TVP23A: variants seen among roughly 807,000 people sequenced by gnomAD.
TVP23A encodes Golgi apparatus membrane protein TVP23 homolog A.
Under a neutral mutation model 31.7 loss-of-function variants are expected in TVP23A, and 21 were observed. The observed-to-expected ratio is 0.66, with a 90% CI of 0.47 to 0.95. The LOEUF (loss-of-function observed/expected upper bound fraction) is 0.95. Among genes scored for constraint, TVP23A ranks in the 40% least tolerant of loss-of-function variants. The probability of loss-of-function intolerance (pLI) is 0.00; values close to 1 mark genes in which losing one functional copy is unlikely to be tolerated. For synonymous variants in TVP23A, 104 were observed against 96.0 expected, an observed-to-expected ratio of 1.08 and a Z score of -0.49; for missense variants, 279 against 255.6, an observed-to-expected ratio of 1.09 and a Z score of -0.62.
intron 2 of TVP23A, among the ~76,000 whole-genome samples, chr16:10,809,500 C>T (rs1220205371): frequency 6.6e-6 from 1 of 152,218 alleles, no homozygotes; most frequent in Non-Finnish European, 1.5e-5. Context: ...TTCAAGGTAA[C>T]CCATAGTGCT....
At chr16:10,788,986 T>C (rs376272466) in intron 2 of TVP23A, among the ~76,000 whole-genome samples, 19 of 152,306 alleles carry the variant, frequency 1.2e-4, no homozygotes, top group African/African-American at 3.6e-4. Flanking sequence ...CCACAACTTA[T>C]TGTCCCATAT....
chr16:10,818,627 G>T lies in TVP23A; in HGVS notation c.-134C>A, dbSNP rs2034552358. On this transcript the variant is annotated 5_prime_UTR_variant, in exon 1 of 8. Transcript: ENST00000299866. The surrounding 1 kb of genome is among the most constrained non-coding windows in gnomAD (Gnocchi z 4.7). ...CGCTGAGGGTCGGGGCCTGCGCCCTGTGGGGCAGCCTCAGCGCAGCTTCTC... is the reference window on the plus strand; with the variant it reads ...CGCTGAGGGTCGGGGCCTGCGCCCTTTGGGGCAGCCTCAGCGCAGCTTCTC... The T allele has an allele frequency of 4.3e-6, 5 of 1,154,126 alleles. No homozygotes were observed. The East Asian group carries it at 1.2e-4, about 27-fold the overall frequency. The allele number at this position is 1,154,126 out of a possible 1,614,324, so 71.5% of individuals were successfully genotyped here. A position where few individuals can be genotyped will look rare whatever the true frequency, so the allele number is the denominator to read the frequency against.
At chr16:10,761,063 C>T (rs1900931095), downstream of TVP23A, 1 of 282,186 alleles carries the variant, frequency 3.5e-6, no homozygotes, top group South Asian at 3.9e-5. Context: ...AACTGTCAAA[C>T]ACTTACAAAA....
chr16:10,812,574 A>G (rs749810745), intron 2 of TVP23A, among the ~76,000 whole-genome samples: 1 of 152,246 alleles, frequency 6.6e-6, no homozygotes, highest in Non-Finnish European at 1.5e-5. Context: ...AGCCTTAAAA[A>G]GGAAGGAAAT....
chr16:10,775,502 G>A lies in TVP23A; in HGVS notation c.90-406C>T, dbSNP rs186027439. The A allele has an allele frequency of 2.6e-5, 27 of 1,054,596 alleles. No homozygotes were observed. The African/African-American group carries it at 2.8e-4, about 11-fold the overall frequency. The allele number at this position is 1,054,596 out of a possible 1,614,324, so 65.3% of individuals were successfully genotyped here. A position where few individuals can be genotyped will look rare whatever the true frequency, so the allele number is the denominator to read the frequency against. ...CAGTCACTGAGCTCCAAGCTCACACGCAGCCCACGGGGCAGGTGTCTCATG... is the reference window on the plus strand; with the variant it reads ...CAGTCACTGAGCTCCAAGCTCACACACAGCCCACGGGGCAGGTGTCTCATG... On this transcript the variant is annotated intron_variant, in intron 2 of 7. Coordinates refer to ENST00000299866, the MANE Select transcript of TVP23A (RefSeq NM_001079512.4).
At chr16:10,784,068 T>C (rs1486836166) in intron 2 of TVP23A, among the ~76,000 whole-genome samples, 1 of 152,102 alleles carries the variant, frequency 6.6e-6, no homozygotes. Flanking sequence ...TGGTGGCTCA[T>C]GCCTGCCTAC....
chr16:10,776,360 G>C (rs1248068865), intron 2 of TVP23A, among the ~76,000 whole-genome samples: 1 of 151,998 alleles, frequency 6.6e-6, no homozygotes, highest in Non-Finnish European at 1.5e-5. Flanking sequence ...GGGTGAGAAA[G>C]TCAGACTCCA....
At chr16:10,781,938 T>G (rs1030212420) in intron 2 of TVP23A, among the ~76,000 whole-genome samples, 2 of 137,278 alleles carry the variant, frequency 1.5e-5, no homozygotes, top group Admixed American at 1.6e-4. Context: ...CTCGGCTCAC[T>G]GCAGCCTCCG....
rs1003449759 is a variant in TVP23A, at chr16:10,775,192, G to A, written c.90-96C>T. 104 of 1,495,930 alleles carry A rather than the reference G, an allele frequency of 7.0e-5. No individual in the cohort carries two copies. The Middle Eastern group carries it at 7.2e-4, about 10-fold the overall frequency. The allele number at this position is 1,495,930 out of a possible 1,614,324, so 92.7% of individuals were successfully genotyped here. A position where few individuals can be genotyped will look rare whatever the true frequency, so the allele number is the denominator to read the frequency against. On this transcript the variant is annotated intron_variant, in intron 2 of 7. Coordinates refer to ENST00000299866, the MANE Select transcript of TVP23A (RefSeq NM_001079512.4). ...TTCAGACTTTGCTGGGGGTGTTAGC[G>A]TGGCTCAATGGAATGTTCTCCCCGG... is the stretch of plus-strand genomic sequence containing the variant.
chr16:10,771,575 G>A, intron 6 of TVP23A, 95 bp downstream of exon 6: 5 of 1,467,894 alleles, frequency 3.4e-6, no homozygotes, highest in Non-Finnish European at 4.7e-6. Flanking sequence ...CAGCCTGGCG[G>A]ATATGTTACA....
rs62026502 is a variant in TVP23A at position 10,777,156 on chromosome 16, C to T, written c.90-2060G>A. Among the ~76,000 whole-genome samples, 34,919 of 151,840 alleles carry T rather than the reference C, an allele frequency of 0.23. 4,782 individuals are homozygous for T. Among genetic ancestry groups the T allele is most frequent in the Admixed American group, 0.38 (5,743 of 15,206 alleles). On this transcript the variant is annotated intron_variant, in intron 2 of 7. Coordinates refer to ENST00000299866, the MANE Select transcript of TVP23A (RefSeq NM_001079512.4). The surrounding 1 kb of genome is among the most constrained non-coding windows in gnomAD (Gnocchi z 4.5). ...CACAGTGATGGATGAGAATGAAACC[C>T]GCACCTCAGGGCAGGGGAGGAAAAG...
intron 2 of TVP23A, among the ~76,000 whole-genome samples, chr16:10,809,509 C>T (rs537811209): frequency 2.0e-4 from 30 of 152,360 alleles, no homozygotes; most frequent in African/African-American, 6.7e-4. Context: ...ACCCATAGTG[C>T]TTTGGCTCTC....
chr16:10,815,508 G>A (rs891768008), intron 2 of TVP23A, among the ~76,000 whole-genome samples: 1 of 152,158 alleles, frequency 6.6e-6, no homozygotes, highest in South Asian at 2.1e-4. Flanking sequence ...TTCAACCGGG[G>A]GCAAGTTTGC....
intron 2 of TVP23A, among the ~76,000 whole-genome samples, chr16:10,810,279 T>TG (rs1435854190): frequency 6.6e-6 from 1 of 151,620 alleles, no homozygotes; most frequent in African/African-American, 2.4e-5. Flanking sequence ...CCTCATGCAG[T>TG]GGCTCATGGC....
At chr16:10,762,685 C>A (rs1012650360), downstream of TVP23A, among the ~76,000 whole-genome samples, 1 of 152,106 alleles carries the variant, frequency 6.6e-6, no homozygotes, top group Non-Finnish European at 1.5e-5. Context: ...GCCGGCTGCA[C>A]CCATGCCTCG....
chr16:10,813,787 C>T (rs1360537229), intron 2 of TVP23A, among the ~76,000 whole-genome samples: 1 of 151,972 alleles, frequency 6.6e-6, no homozygotes, highest in Non-Finnish European at 1.5e-5. Context: ...ACTAGGATCA[C>T]TCAAGATCAG....
downstream of TVP23A, among the ~76,000 whole-genome samples, chr16:10,759,522 C>T (rs558131936): frequency 3.4e-3 from 515 of 152,264 alleles, 1 homozygote; most frequent in Non-Finnish European, 5.9e-3. This position sits in a 1 kb window ranked among gnomAD's most constrained non-coding sequence, Gnocchi z 4.7. Flanking sequence ...GTCTGTAATC[C>T]CAGCACTTTG....
chr16:10,818,128 G>T lies in TVP23A; in HGVS notation c.64C>A (p.Leu22Met). ...CTGATCTTGGCTTTCCTAAAGGCCA[G>T]CTCCTCCTCGTTTCCAAAGTCCAGG... ...VSLDFGNEEE[L>M]AFRKAKIRHP... The change falls in exon 2 of 8, where the codon CTG becomes ATG. Residue 22 changes from leucine to methionine, a missense_variant. By Grantham distance (15) the Leu-to-Met change is conservative. Coordinates refer to ENST00000299866, the MANE Select transcript of TVP23A (RefSeq NM_001079512.4). This position sits in a 1 kb window ranked among gnomAD's most constrained non-coding sequence, Gnocchi z 4.7. 6.2e-7 allele frequency: 1 copy of T among 1,609,070 alleles called. No homozygotes were observed. Among genetic ancestry groups the T allele is most frequent in the Non-Finnish European group, 8.5e-7 (1 of 1,177,910 alleles).
intron 2 of TVP23A, among the ~76,000 whole-genome samples, chr16:10,801,281 G>A (rs747351994): frequency 2.0e-5 from 3 of 152,152 alleles, no homozygotes; most frequent in Admixed American, 1.3e-4. Flanking sequence ...CATTTCTGCA[G>A]TATCTCTGCC....
Sources: allele counts gnomAD v4.1 joint callset (sites outside exome capture counted in the v4.1 genomes callset), GRCh38; gene constraint gnomAD v4.1.1; non-coding constraint Gnocchi (gnomAD v3.1); transcripts MANE v1.5; gene names NCBI Gene and HGNC (gene_info 2026-07-23, HGNC 2026-07-21).